PPRC1: variants seen among roughly 807,000 people sequenced by gnomAD.
PPRC1 encodes PPARG related coactivator 1, also known as peroxisome proliferator-activated receptor gamma coactivator-related protein 1.
PPRC1 carries 23 observed loss-of-function variants against 132.5 expected under a neutral mutation model. The observed-to-expected ratio is 0.17, with a 90% CI of 0.12 to 0.25. PPRC1 has a LOEUF of 0.25. Among genes scored for constraint, PPRC1 ranks in the 10% least tolerant of loss-of-function variants. PPRC1 has a pLI of 1.00. For missense variants in PPRC1, 2,006 were observed against 2,089.1 expected (o/e 0.96, Z 0.78); for synonymous variants, 872 against 833.5 (o/e 1.05, Z -0.80).
At chr10:102,124,768 A>C in the PPRC1 span, among the ~76,000 whole-genome samples, 1 of 150,800 alleles carries the variant, frequency 6.6e-6, no homozygotes, top group Non-Finnish European at 1.5e-5. Flanking sequence ...TCAGCCTCCC[A>C]AGTAGCTAGG....
the PPRC1 span, among the ~76,000 whole-genome samples, chr10:102,126,589 G>C: frequency 6.6e-6 from 1 of 151,572 alleles, no homozygotes; most frequent in Non-Finnish European, 1.5e-5. Flanking sequence ...CTCCCACGTA[G>C]CTGGGATTAC....
At chr10:102,145,768 G>C (rs1397616981) in intron 8 of PPRC1, among the ~76,000 whole-genome samples, 8 of 152,120 alleles carry the variant, frequency 5.3e-5, no homozygotes, top group Non-Finnish European at 1.5e-5. Context: ...GGGAGGCTGA[G>C]GCAGGAGAAT....
intron 1 of PPRC1, among the ~76,000 whole-genome samples, chr10:102,137,468 T>C (rs950987180): frequency 1.3e-5 from 2 of 152,174 alleles, no homozygotes; most frequent in African/African-American, 2.4e-5. Context: ...GGTGAGGTTG[T>C]TGGAGCTGAA....
chr10:102,125,548 G>A, the PPRC1 span, among the ~76,000 whole-genome samples: 3 of 151,866 alleles, frequency 2.0e-5, no homozygotes, highest in Admixed American at 6.6e-5. Context: ...GTGAGCCACC[G>A]TGCCCAGCCA....
rs760655362 is a variant in PPRC1, at chr10:102,141,148, T to C, written c.2640T>C (p.Pro880=). ...CTCCCTCGATGTCTGCTGCCCTGCC[T>C]TTCCCTGCAGGTGGGCTTGGCATGC... The part of the protein sequence containing the change: ...PTPPSMSAAL[P]FPAGGLGMPP... Residue 880 remains proline, a synonymous_variant, in exon 5 of 14, where the codon CCT becomes CCC. Transcript: ENST00000278070. 4.3e-6 allele frequency: 7 copies of C among 1,613,806 alleles called. No individual in the cohort carries two copies. Among genetic ancestry groups the C allele is most frequent in the Non-Finnish European group, 2.5e-6 (3 of 1,179,932 alleles).
the PPRC1 span, chr10:102,119,970 C>G: frequency 2.6e-6 from 2 of 768,084 alleles, no homozygotes; most frequent in Non-Finnish European, 1.9e-6. Context: ...CCTTCCAGCC[C>G]CCGGCTTCCC....
chr10:102,146,637 C>A, intron 8 of PPRC1, 35 bp from the exon 9 acceptor site: 2 of 1,571,412 alleles, frequency 1.3e-6, no homozygotes, highest in Non-Finnish European at 8.6e-7. Context: ...AATCGGATCT[C>A]ATCCTGCTAT....
At chr10:102,134,758 T>A (rs541390765) in intron 1 of PPRC1, among the ~76,000 whole-genome samples, 2 of 152,198 alleles carry the variant, frequency 1.3e-5, no homozygotes, top group Non-Finnish European at 2.9e-5. Context: ...CCCAGCTCTC[T>A]ATGAACCATT....
chr10:102,143,023 C>A (rs375768812), intron 5 of PPRC1, 22 bp from the exon 6 acceptor site: 18 of 1,607,326 alleles, frequency 1.1e-5, no homozygotes, highest in African/African-American at 4.0e-5. Flanking sequence ...CGTTTTCAAT[C>A]CTGTGTTGTG....
At chr10:102,149,797 T>C in intron 13 of PPRC1, 129 bp from the exon 14 acceptor site, 1 of 723,638 alleles carries the variant, frequency 1.4e-6, no homozygotes, top group Non-Finnish European at 2.5e-6. Flanking sequence ...GACTCTCCTA[T>C]CTCTTTGACT....
At chr10:102,142,579 C>T (rs984135531) in intron 5 of PPRC1, among the ~76,000 whole-genome samples, 5 of 149,856 alleles carry the variant, frequency 3.3e-5, no homozygotes, top group Non-Finnish European at 5.9e-5. Context: ...CACCCACGCC[C>T]GGCTTTTTGT....
intron 6 of PPRC1, 141 bp from the exon 7 acceptor site, chr10:102,144,109 C>A: frequency 1.3e-6 from 1 of 783,712 alleles, no homozygotes; most frequent in Non-Finnish European, 2.3e-6. Context: ...CTGGAGGAGA[C>A]TAGATCTCTT....
rs1418550719 is a variant in PPRC1, at chr10:102,141,236, C to A, written c.2728C>A (p.Leu910Ile). ...PSLPLSMGPV[L>I]PDPFTHYAPL... ...TCTTCCATTGTCTATGGGGCCAGTACTACCTGATCCGTTTACTCACTATGC... is the reference window on the plus strand; with the variant it reads ...TCTTCCATTGTCTATGGGGCCAGTAATACCTGATCCGTTTACTCACTATGC... The change falls in exon 5 of 14, where the codon CTA (leucine) becomes ATA (isoleucine). Residue 910 changes from leucine to isoleucine, a missense_variant. Coordinates refer to ENST00000278070, the MANE Select transcript of PPRC1 (RefSeq NM_015062.5). 1.2e-6 allele frequency: 2 copies of A among 1,614,094 alleles called. No individual in the cohort carries two copies. The highest frequency in any genetic ancestry group is 1.7e-6 in the Non-Finnish European group (2 of 1,179,988).
chr10:102,133,623 C>T (rs1375652818), intron 1 of PPRC1, among the ~76,000 whole-genome samples: 2 of 151,948 alleles, frequency 1.3e-5, no homozygotes, highest in East Asian at 1.9e-4. Flanking sequence ...CTCCCCTCCC[C>T]CTCTAGGCGG....
chr10:102,122,869 C>T, the PPRC1 span, among the ~76,000 whole-genome samples: 2 of 152,150 alleles, frequency 1.3e-5, no homozygotes, highest in South Asian at 2.1e-4. Context: ...TTACACTTGC[C>T]GACTCATTTA....
intron 13 of PPRC1, 88 bp downstream of exon 13, chr10:102,149,417 C>A: frequency 7.2e-7 from 1 of 1,396,832 alleles, no homozygotes; most frequent in Non-Finnish European, 9.4e-7. Flanking sequence ...GCTAGGCAGA[C>A]TTACCTTAGT....
In PPRC1 at chr10:102,146,999, C is replaced by A. The variant is rs780698365; in HGVS notation, c.4007C>A (p.Ser1336Tyr). Residue 1336 changes from serine to tyrosine, a missense_variant, in exon 9 of 14, where the codon TCC becomes TAC. Physicochemically the swap from Ser to Tyr is moderately radical, Grantham distance 144 (BLOSUM62 -2). Transcript: ENST00000278070. ...HQDITIKPVL[S>Y]LGPAAPPPPC... is the part of the protein sequence containing the mutation. ...GACATCACCATCAAACCTGTCTTGT[C>A]CTTGGGCCCAGCTGCCCCTCCGCCC... 4 of 1,614,126 alleles carry A rather than the reference C, an allele frequency of 2.5e-6. No homozygotes were observed. Among genetic ancestry groups the A allele is most frequent in the Non-Finnish European group, 2.5e-6 (3 of 1,180,018 alleles).
chr10:102,139,054 C>G (rs760518646), intron 4 of PPRC1, 46 bp from the exon 5 acceptor site: 1 of 1,605,010 alleles, frequency 6.2e-7, no homozygotes, highest in South Asian at 1.1e-5. Context: ...CTGGAAAATA[C>G]TTTCCCAAAG....
chr10:102,138,815 C>T (rs767304558), intron 3 of PPRC1, 50 bp downstream of exon 3: 1 of 1,612,424 alleles, frequency 6.2e-7, no homozygotes, highest in African/African-American at 1.3e-5. Context: ...TAGACCCATG[C>T]CTGTGGACCT....
Sources: gnomAD v4.1 joint callset for allele counts (sites outside exome capture counted in the v4.1 genomes callset) on GRCh38, gnomAD v4.1.1 for gene constraint, MANE v1.5 for transcripts, NCBI Gene and HGNC (gene_info 2026-07-23, HGNC 2026-07-21) for gene names.